Variants in DACT2 observed in about 807,000 individuals in gnomAD.
The protein encoded by DACT2 is dishevelled binding antagonist of beta catenin 2, also known as dapper homolog 2.
DACT2 carries 20 observed loss-of-function variants against 22.2 expected under a neutral mutation model. The ratio of observed to expected loss-of-function variants is 0.90; its 90% CI spans 0.63 to 1.31. DACT2 has a LOEUF of 1.31. Among genes scored for constraint, DACT2 ranks in the 50% most tolerant of loss-of-function variants. DACT2 has a pLI of 0.00. For missense variants in DACT2, 1,048 were observed against 1,061.4 expected (o/e 0.99, Z 0.18); for synonymous variants, 463 against 479.8 (o/e 0.96, Z 0.46).
intron 4 of DACT2, chr6:168,294,598 T>A: frequency 1.4e-6 from 1 of 726,678 alleles, no homozygotes; most frequent in Non-Finnish European, 1.9e-6. Context: ...TATATATATA[T>A]ATATACACAT....
chr6:168,302,412 G>A (rs549563754), downstream of DACT2, among the ~76,000 whole-genome samples: 2 of 152,326 alleles, frequency 1.3e-5, no homozygotes, highest in Admixed American at 6.5e-5. Flanking sequence ...TACATAACCT[G>A]TTTTCAGAGA....
chr6:168,304,253 G>C (rs1257693860), downstream of DACT2, among the ~76,000 whole-genome samples: 1 of 152,218 alleles, frequency 6.6e-6, no homozygotes, highest in African/African-American at 2.4e-5. Context: ...AATTATGTCT[G>C]TTTAGAGGAA....
intron 3 of DACT2, among the ~76,000 whole-genome samples, chr6:168,301,444 G>A (rs1779101869): frequency 6.6e-6 from 1 of 152,254 alleles, no homozygotes. Flanking sequence ...ACACAGCCCA[G>A]GAGGCCAGTG....
At chr6:168,294,074 G>A (rs867910139) in intron 5 of DACT2, 44 of 702,882 alleles carry the variant, frequency 6.3e-5, no homozygotes, top group Middle Eastern at 4.6e-4. Flanking sequence ...GCACAGACCC[G>A]CGATGGCAGT....
rs1158972242 is a variant in DACT2, at chr6:168,308,095, C to T, written c.1662G>A (p.Trp554Ter). The change falls in exon 4 of 4, where the codon TGG (tryptophan) becomes TGA (stop). Residue 554 changes from tryptophan to a stop codon, truncating the protein, a stop_gained. Transcript: ENST00000366795. LOFTEE classifies it low-confidence loss of function (END_TRUNC). The stretch of plus-strand genomic sequence containing the variant: ...CAGAACAGGAGCGCCCGGGTGCCTC[C>T]CAGGCCAGGGCTGGCCTCCGCTGGA... Reference protein sequence around the residue: ...GGLQRRPALAWEAPGRSCSES... With the variant: ...GGLQRRPALA The T allele has an allele frequency of 6.5e-7, 1 of 1,545,098 alleles. No homozygotes were observed. The highest frequency in any genetic ancestry group is 8.7e-7 in the Non-Finnish European group (1 of 1,143,346).
At chr6:168,313,114 T>A (rs1057077257) in intron 1 of DACT2, among the ~76,000 whole-genome samples, 9 of 152,196 alleles carry the variant, frequency 5.9e-5, no homozygotes, top group Admixed American at 2.6e-4. Flanking sequence ...TGGCGCGAGT[T>A]CAGCTCACTG....
chr6:168,309,468 G>C (rs1220023548), intron 3 of DACT2, among the ~76,000 whole-genome samples: 1 of 152,236 alleles, frequency 6.6e-6, no homozygotes, highest in African/African-American at 2.4e-5. Context: ...AGGGTGCGGG[G>C]CCCTATTTGC....
intron 1 of DACT2, among the ~76,000 whole-genome samples, chr6:168,313,332 C>T (rs1322506879): frequency 1.3e-5 from 2 of 152,198 alleles, no homozygotes; most frequent in African/African-American, 2.4e-5. Flanking sequence ...CATGAGCCAC[C>T]GCGCCCGGCC....
intron 1 of DACT2, 63 bp downstream of exon 1, chr6:168,319,325 C>CG: frequency 8.5e-7 from 1 of 1,171,966 alleles, no homozygotes; most frequent in Non-Finnish European, 1.1e-6. Flanking sequence ...CAGTCGCTGC[C>CG]GAAGGAGCAG....
Position 168,308,809 on chromosome 6 carries a change from G to C in DACT2, c.948C>G (p.Thr316=), listed in dbSNP as rs895766632. The change falls in exon 4 of 4, where the codon ACC becomes ACG. Residue 316 remains threonine, a synonymous_variant. Coordinates refer to ENST00000366795, the MANE Select transcript of DACT2 (RefSeq NM_214462.5). The part of the protein sequence containing the change: ...ESPRGPAGLN[T]IQTGPVLEAG... ...CCTCGAGGACCGGCCCAGTCTGGAT[G>C]GTGTTCAGACCTGCGGGGCCCCTGG... 1.7e-5 allele frequency: 27 copies of C among 1,551,486 alleles called. No individual in the cohort carries two copies. The highest frequency in any genetic ancestry group is 2.4e-5 in the Non-Finnish European group (27 of 1,147,010).
intron 1 of DACT2, among the ~76,000 whole-genome samples, chr6:168,317,953 ACAG>A (rs755743671): frequency 2.3e-5 from 2 of 88,294 alleles, no homozygotes; most frequent in African/African-American, 3.5e-5. Context: ...CAAACACACA[ACAG>A]CATCTCGGCA....
Position 168,307,981 on chromosome 6 carries a change from G to A in DACT2, c.1776C>T (p.Pro592=), listed in dbSNP as rs1412161850. 6.4e-7 allele frequency: 1 copy of A among 1,551,222 alleles called. No homozygotes were observed. Among genetic ancestry groups the A allele is most frequent in the South Asian group, 1.2e-5 (1 of 84,028 alleles). ...SHRTSAQALF[P]FEASLLTSVA... is the part of the protein sequence containing the mutation. ...CTGAGGTGAGCAGTGACGCCTCAAA[G>A]GGGAACAGGGCTTGGGCTGAGGTCC... Residue 592 remains proline, a synonymous_variant, in exon 4 of 4, where the codon CCC becomes CCT. Coordinates refer to ENST00000366795, the MANE Select transcript of DACT2 (RefSeq NM_214462.5). This position sits in a 1 kb window ranked among gnomAD's most constrained non-coding sequence, Gnocchi z 5.3.
At position 168,307,186 on chromosome 6, in the gene DACT2, A is replaced by G. The variant is rs1039723859; in HGVS notation, c.*246T>C. ...CATCCTGGGCAGACCTTGAAAAGAG[A>G]CACTAGGTCGGCCGGGGAGGCTGCT... On this transcript the variant is annotated 3_prime_UTR_variant, in exon 4 of 4. Transcript: ENST00000366795. The surrounding 1 kb of genome is among the most constrained non-coding windows in gnomAD (Gnocchi z 5.3). 1.5e-6 allele frequency: 2 copies of G among 1,362,550 alleles called. No individual in the cohort carries two copies. The highest frequency in any genetic ancestry group is 1.9e-6 in the Non-Finnish European group (2 of 1,060,562). 84.4% of individuals were successfully genotyped at this position (1,362,550 alleles called of 1,614,324 possible).
chr6:168,307,358 C>A lies in DACT2; in HGVS notation c.*74G>T. ...CGACTTGGCAAGACGACACTGAAAC[C>A]CAGACATGCACAGGACACTGCATGG... On this transcript the variant is annotated 3_prime_UTR_variant, in exon 4 of 4. Transcript: ENST00000366795. This position sits in a 1 kb window ranked among gnomAD's most constrained non-coding sequence, Gnocchi z 5.3. 1 of 1,513,896 alleles carries A rather than the reference C, an allele frequency of 6.6e-7. No homozygotes were observed. The highest frequency in any genetic ancestry group is 8.8e-7 in the Non-Finnish European group (1 of 1,132,392). 93.8% of individuals were successfully genotyped at this position (1,513,896 alleles called of 1,614,324 possible). A position where few individuals can be genotyped will look rare whatever the true frequency, so the allele number is the denominator to read the frequency against.
At chr6:168,294,587 A>G (rs1207924943) in intron 4 of DACT2, 16 of 535,724 alleles carry the variant, frequency 3.0e-5, no homozygotes, top group South Asian at 8.8e-5. Context: ...GTATATATAT[A>G]TATATATATA....
chr6:168,310,292 C>T lies in DACT2; in HGVS notation c.534G>A (p.Ser178=), dbSNP rs767730188. 1.3e-5 allele frequency: 20 copies of T among 1,551,420 alleles called. No individual in the cohort carries two copies. Among genetic ancestry groups the T allele is most frequent in the Non-Finnish European group, 1.5e-5 (17 of 1,146,992 alleles). Residue 178 remains serine, a synonymous_variant, in exon 3 of 4, where the codon TCG becomes TCA. Coordinates refer to ENST00000366795, the MANE Select transcript of DACT2 (RefSeq NM_214462.5). ...ACGCTGGCACAGTAGTCTCATCAAC[C>T]GACCGGGGCCTCCAGTCCCCCATGC... ...RPSMGDWRPR[S]VDETTVPAWR... is the part of the protein sequence containing the mutation.
At chr6:168,310,028 C>G in intron 3 of DACT2, 140 bp downstream of exon 3, 1 of 1,332,712 alleles carries the variant, frequency 7.5e-7, no homozygotes, top group East Asian at 2.7e-5. Context: ...ACGTGGCCCA[C>G]GGAGGCCTTC....
At chr6:168,313,546 A>G (rs1379321924) in intron 1 of DACT2, among the ~76,000 whole-genome samples, 2 of 152,144 alleles carry the variant, frequency 1.3e-5, no homozygotes, top group African/African-American at 4.8e-5. Context: ...GGGCTCTCCC[A>G]CACCAGCTAT....
chr6:168,294,577 G>GTATGTATATATATATATATATATA (rs1778975377), intron 4 of DACT2: 3 of 114,786 alleles, frequency 2.6e-5, no homozygotes, highest in African/African-American at 1.7e-4. Flanking sequence ...GTGTGTGTGT[G>GTATGTATATATATATATATATATA]TATATATATA....
Sources: gnomAD v4.1 joint callset for allele counts (sites outside exome capture counted in the v4.1 genomes callset) on GRCh38, gnomAD v4.1.1 for gene constraint, Gnocchi (gnomAD v3.1) non-coding constraint, MANE v1.5 for transcripts, NCBI Gene and HGNC (gene_info 2026-07-23, HGNC 2026-07-21) for gene names.